Variants in KIFC2 observed in about 807,000 individuals in gnomAD.
KIFC2 encodes the protein kinesin family member C2.
In KIFC2, 94 loss-of-function variants were observed where a neutral mutation model predicts 91.5. That is an observed-to-expected ratio of 1.03 (90% CI 0.87 to 1.22). The LOEUF (loss-of-function observed/expected upper bound fraction) is 1.22, where lower values mean the gene tolerates loss of function less well. KIFC2 is among the 50% of genes most tolerant of loss of function. The probability of loss-of-function intolerance (pLI) is 0.00; values close to 1 mark genes in which losing one functional copy is unlikely to be tolerated. For missense variants in KIFC2, 1,357 were observed against 1,103.3 expected (o/e 1.23, Z -3.26); for synonymous variants, 729 against 503.9 (o/e 1.45, Z -5.98).
chr8:144,468,074 G>C, intron 7 of KIFC2, 87 bp downstream of exon 7: 1 of 1,436,008 alleles, frequency 7.0e-7, no homozygotes, highest in East Asian at 2.5e-5. Flanking sequence ...GCCTCCTCAG[G>C]ACCTCCCGGG....
At position 144,467,242 on chromosome 8, in the gene KIFC2, C is replaced by T. The variant is rs1391670021; in HGVS notation, c.370C>T (p.Leu124Phe). Residue 124 changes from leucine to phenylalanine, a missense_variant, in exon 4 of 18, where the codon CTC (leucine) becomes TTC (phenylalanine). Coordinates refer to ENST00000645548, the MANE Select transcript of KIFC2 (RefSeq NM_001369769.2). ...VPSLLTVTSQ[L>F]LALLAWLRSP... Reference sequence around the variant, plus strand: ...CTCACTGTTGACAGTGACCAGTCAGCTCTTGGCCCTTCTGGCATGGCTTCG... The same window carrying T: ...CTCACTGTTGACAGTGACCAGTCAGTTCTTGGCCCTTCTGGCATGGCTTCG... 5.6e-6 allele frequency: 9 copies of T among 1,613,574 alleles called. No individual in the cohort carries two copies. The highest frequency in any genetic ancestry group is 1.3e-5 in the African/African-American group (1 of 74,958).
chr8:144,472,904 G>C lies in KIFC2; in HGVS notation c.1971G>C (p.Gln657His), dbSNP rs766014611. 177 of 1,508,984 alleles carry C rather than the reference G, an allele frequency of 1.2e-4. No homozygotes were observed. The highest frequency in any genetic ancestry group is 1.5e-4 in the Non-Finnish European group (166 of 1,142,372). The allele number at this position is 1,508,984 out of a possible 1,614,324, so 93.5% of individuals were successfully genotyped here. A position where few individuals can be genotyped will look rare whatever the true frequency, so the allele number is the denominator to read the frequency against. Residue 657 changes from glutamine to histidine, a missense_variant, in exon 17 of 18, where the codon CAG becomes CAC. Physicochemically the swap from Gln to His is conservative, Grantham distance 24 (BLOSUM62 0). Transcript: ENST00000645548. Reference protein sequence around the residue: ...PDGARRLREAQTINRSLLALG... With the variant: ...PDGARRLREAHTINRSLLALG... Reference sequence around the variant, plus strand: ...GCGCCCGGCGCCTGCGGGAGGCCCAGACCATAAACCGCTCGCTGCTGGCGC... The same window carrying C: ...GCGCCCGGCGCCTGCGGGAGGCCCACACCATAAACCGCTCGCTGCTGGCGC...
In KIFC2 at chr8:144,470,906, A is replaced by G. The variant is rs182212019; in HGVS notation, c.1381-1036A>G. On this transcript the variant is annotated intron_variant, in intron 12 of 17. Coordinates refer to ENST00000645548, the MANE Select transcript of KIFC2 (RefSeq NM_001369769.2). ...GTGAGGCACAGGAAGGCCAATGAGT[A>G]AGCTCCAATCATACCCAGGTTTGAA... Among the ~76,000 whole-genome samples, 4 of 152,302 alleles carry G rather than the reference A, an allele frequency of 2.6e-5. No homozygotes were observed. The East Asian group carries it at 7.7e-4, about 29-fold the overall frequency.
chr8:144,467,297 A>G lies in KIFC2; in HGVS notation c.425A>G (p.Gln142Arg), dbSNP rs564490308. The change falls in exon 4 of 18, where the codon CAG (glutamine) becomes CGG (arginine). Residue 142 changes from glutamine (Q) to arginine (R), a missense_variant. Gln to Arg is a conservative substitution (Grantham distance 43). Transcript: ENST00000645548. ...RSPRGRQALL[Q>R]GTQPAPRVRP... Reference sequence around the variant, plus strand: ...CCCAGGGGGAGGCAGGCCCTGCTCCAGGGGACTCAGCCAGCCCCTCGGGTC... The same window carrying G: ...CCCAGGGGGAGGCAGGCCCTGCTCCGGGGGACTCAGCCAGCCCCTCGGGTC... 1 of 1,612,990 alleles carries G rather than the reference A, an allele frequency of 6.2e-7. No homozygotes were observed. Among genetic ancestry groups the G allele is most frequent in the African/African-American group, 1.3e-5 (1 of 75,070 alleles).
chr8:144,470,109 C>T (rs1824869540), intron 12 of KIFC2, among the ~76,000 whole-genome samples: 1 of 152,236 alleles, frequency 6.6e-6, no homozygotes, highest in Non-Finnish European at 1.5e-5. Context: ...CTGCACATGC[C>T]CTTTGCTGCT....
chr8:144,471,355 G>T (rs117253779), intron 12 of KIFC2, among the ~76,000 whole-genome samples: 2 of 149,580 alleles, frequency 1.3e-5, no homozygotes, highest in South Asian at 4.2e-4. Flanking sequence ...TTTGTCATCA[G>T]GCTGGAGTGC....
In KIFC2 at chr8:144,473,727, T is replaced by G. The variant is rs1466006173; in HGVS notation, c.*338T>G. On this transcript the variant is annotated 3_prime_UTR_variant, in exon 18 of 18. Coordinates refer to ENST00000645548, the MANE Select transcript of KIFC2 (RefSeq NM_001369769.2). Reference sequence around the variant, plus strand: ...CCACTCCTGACCCAAAAATCAGGCATGGCATTAAAACGTTGCAAATTCCTT... The same window carrying G: ...CCACTCCTGACCCAAAAATCAGGCAGGGCATTAAAACGTTGCAAATTCCTT... 1 of 451,626 alleles carries G rather than the reference T, an allele frequency of 2.2e-6. No individual in the cohort carries two copies. The highest frequency in any genetic ancestry group is 2.0e-5 in the African/African-American group (1 of 49,058). The allele number at this position is 451,626 out of a possible 1,614,324, so 28.0% of individuals were successfully genotyped here.
Position 144,467,715 on chromosome 8 carries a change from T to C in KIFC2, c.617T>C (p.Leu206Pro), listed in dbSNP as rs1202829407. 2 of 1,613,632 alleles carry C rather than the reference T, an allele frequency of 1.2e-6. No individual in the cohort carries two copies. Among genetic ancestry groups the C allele is most frequent in the African/African-American group, 2.7e-5 (2 of 74,922 alleles). Reference protein sequence around the residue: ...QRLEQLILGQLEELKQQLEQQ... With the variant: ...QRLEQLILGQPEELKQQLEQQ... Reference sequence around the variant, plus strand: ...CCTGTCTCTCTTACTTCTCCCCAGCTGGAGGAGCTGAAGCAGCAGCTGGAA... The same window carrying C: ...CCTGTCTCTCTTACTTCTCCCCAGCCGGAGGAGCTGAAGCAGCAGCTGGAA... The change falls in exon 6 of 18, where the codon CTG becomes CCG. Residue 206 changes from leucine to proline, a missense_variant and splice_region_variant. By Grantham distance (98) the Leu-to-Pro change is moderately conservative (BLOSUM62 -3). Transcript: ENST00000645548.
intron 1 of KIFC2, 116 bp downstream of exon 1, chr8:144,466,634 C>T (rs1824651369): frequency 8.6e-6 from 8 of 930,976 alleles, no homozygotes; most frequent in Non-Finnish European, 1.2e-5. Flanking sequence ...GTGCCGAGGA[C>T]CCTCGGCTCG....
intron 12 of KIFC2, among the ~76,000 whole-genome samples, chr8:144,469,880 C>T (rs1824858483): frequency 6.6e-6 from 1 of 152,242 alleles, no homozygotes; most frequent in Non-Finnish European, 1.5e-5. Flanking sequence ...TGCTGGGGTC[C>T]AGGGTTTGCC....
intron 3 of KIFC2, 26 bp from the exon 4 acceptor site, chr8:144,467,176 CT>C: frequency 1.2e-6 from 2 of 1,613,292 alleles, no homozygotes; most frequent in Non-Finnish European, 1.7e-6. Context: ...TTTCACAGCC[CT>C]GCTCGGATTC....
rs1356554348 is a variant in KIFC2 at position 144,467,413 on chromosome 8, A to G, written c.469+72A>G. Reference sequence around the variant, plus strand: ...TCCCGGTAGAACCTGGGCGGCCTGGAGTTCGGGGTCATGTTCCGGAAGATT... The same window carrying G: ...TCCCGGTAGAACCTGGGCGGCCTGGGGTTCGGGGTCATGTTCCGGAAGATT... On this transcript the variant is annotated intron_variant, in intron 4 of 17. Coordinates refer to ENST00000645548, the MANE Select transcript of KIFC2 (RefSeq NM_001369769.2). 2.6e-5 allele frequency: 40 copies of G among 1,543,428 alleles called. No individual in the cohort carries two copies. In the East Asian group the frequency reaches 8.6e-4, roughly 33 times the overall value.
Position 144,472,815 on chromosome 8 carries a change from C to A in KIFC2, c.1882C>A (p.Leu628Met), listed in dbSNP as rs1230221179. 1 of 1,581,690 alleles carries A rather than the reference C, an allele frequency of 6.3e-7. No individual in the cohort carries two copies. The highest frequency in any genetic ancestry group is 1.4e-5 in the African/African-American group (1 of 72,790). The change falls in exon 17 of 18, where the codon CTG becomes ATG. Residue 628 changes from leucine (L) to methionine (M), a missense_variant. Leu to Met is a conservative substitution (Grantham distance 15). Coordinates refer to ENST00000645548, the MANE Select transcript of KIFC2 (RefSeq NM_001369769.2). ...GTAGTLHLVDLAGSERARKAG... is the reference protein window; with the variant it reads ...GTAGTLHLVDMAGSERARKAG... Reference sequence around the variant, plus strand: ...TCTAGGCACGCTGCACCTGGTGGACCTGGCGGGATCCGAACGCGCACGGAA... The same window carrying A: ...TCTAGGCACGCTGCACCTGGTGGACATGGCGGGATCCGAACGCGCACGGAA...
rs759641070 is a variant in KIFC2, at chr8:144,468,034, G to A, written c.810+47G>A. ...GCCGTTCCTGCAGCCTGGGGCTCTTGCACACCTGGCATGCAGCCACAGGGC... is the reference window on the plus strand; with the variant it reads ...GCCGTTCCTGCAGCCTGGGGCTCTTACACACCTGGCATGCAGCCACAGGGC... On this transcript the variant is annotated intron_variant, in intron 7 of 17. Transcript: ENST00000645548. The A allele has an allele frequency of 2.0e-6, 3 of 1,488,434 alleles. No individual in the cohort carries two copies. In the Admixed American group the frequency reaches 8.2e-5, roughly 40 times the overall value. 92.2% of individuals were successfully genotyped at this position (1,488,434 alleles called of 1,614,324 possible).
intron 1 of KIFC2, 50 bp from the exon 2 acceptor site, chr8:144,466,710 C>T (rs1230719025): frequency 7.0e-7 from 1 of 1,419,488 alleles, no homozygotes; most frequent in Non-Finnish European, 9.4e-7. Context: ...GGGAAGGGGC[C>T]AGCAGGCTGC....
intron 7 of KIFC2, 22 bp from the exon 8 acceptor site, chr8:144,468,307 C>G (rs747967650): frequency 1.9e-6 from 3 of 1,596,582 alleles, no homozygotes; most frequent in Non-Finnish European, 2.6e-6. Context: ...CTGAGTCCCT[C>G]CTGGCCCCCA....
Position 144,467,648 on chromosome 8 carries a change from A to G in KIFC2, c.615+18A>G. ...TGGGACAGGTGAGGTCCCTGGAGCC[A>G]GAAGGGATTGCCGGCTGGGACGCCA... is the stretch of plus-strand genomic sequence containing the variant. On this transcript the variant is annotated intron_variant, in intron 5 of 17. Coordinates refer to ENST00000645548, the MANE Select transcript of KIFC2 (RefSeq NM_001369769.2). 1 of 1,603,904 alleles carries G rather than the reference A, an allele frequency of 6.2e-7. No homozygotes were observed. Among genetic ancestry groups the G allele is most frequent in the Non-Finnish European group, 8.5e-7 (1 of 1,174,160 alleles).
chr8:144,473,206 G>T lies in KIFC2; in HGVS notation c.2193G>T (p.Glu731Asp). 6.3e-7 allele frequency: 1 copy of T among 1,587,354 alleles called. No individual in the cohort carries two copies. Among genetic ancestry groups the T allele is most frequent in the Non-Finnish European group, 8.6e-7 (1 of 1,167,818 alleles). Residue 731 changes from glutamate to aspartate, a missense_variant, in exon 18 of 18, where the codon GAG becomes GAT. Coordinates refer to ENST00000645548, the MANE Select transcript of KIFC2 (RefSeq NM_001369769.2). ...LKFADRVGQV[E>D]LGPARRRRVP... ...TCGCCGACCGAGTGGGTCAAGTGGA[G>T]CTGGGGCCAGCCCGGCGCCGCAGGG...
rs61740364 is a variant in KIFC2 at position 144,467,208 on chromosome 8, C to T, written c.336C>T (p.Gly112=). 4.5e-5 allele frequency: 72 copies of T among 1,613,488 alleles called. No individual in the cohort carries two copies. The African/African-American group carries it at 8.0e-4, about 18-fold the overall frequency. The change falls in exon 4 of 18, where the codon GGC becomes GGT. Residue 112 remains glycine, a synonymous_variant. Coordinates refer to ENST00000645548, the MANE Select transcript of KIFC2 (RefSeq NM_001369769.2). ...CGGPADLGQS[G]EVPSLLTVTS... is the part of the protein sequence containing the mutation. ...GATTCTTGTCTCCTTCGCAGTCTGG[C>T]GAGGTCCCCTCACTGTTGACAGTGA... is the stretch of plus-strand genomic sequence containing the variant.
Sources: allele counts gnomAD v4.1 joint callset (sites outside exome capture counted in the v4.1 genomes callset), GRCh38; gene constraint gnomAD v4.1.1; transcripts MANE v1.5; gene names NCBI Gene and HGNC (gene_info 2026-07-23, HGNC 2026-07-21).